Variants in GLDC observed in about 807,000 individuals in gnomAD.
The protein encoded by GLDC is glycine dehydrogenase (decarboxylating), mitochondrial.
GLDC carries 104 observed loss-of-function variants against 121.3 expected under a neutral mutation model. That is an observed-to-expected ratio of 0.86 (90% CI 0.73 to 1.01). The LOEUF (loss-of-function observed/expected upper bound fraction) is 1.01. Among genes scored for constraint, GLDC ranks in the 50% least tolerant of loss-of-function variants. The pLI, the probability that GLDC is intolerant of heterozygous loss-of-function variation, is 0.00. For synonymous variants in GLDC, 546 were observed against 480.6 expected (o/e 1.14, Z -1.78); for missense variants, 1,429 against 1,306.6 (o/e 1.09, Z -1.44).
chr9:6,614,116 T>C (rs563473375), intron 3 of GLDC, among the ~76,000 whole-genome samples: 3 of 152,288 alleles, frequency 2.0e-5, no homozygotes, highest in East Asian at 3.9e-4. Context: ...TCCCAGAGCA[T>C]AGTACCATGT....
chr9:6,602,240 T>C (rs759614985), intron 7 of GLDC, 35 bp from the exon 8 acceptor site: 5 of 1,215,892 alleles, frequency 4.1e-6, no homozygotes, highest in African/African-American at 3.0e-5. Flanking sequence ...TTAGCACAGA[T>C]AATCACAGCA....
intron 21 of GLDC, among the ~76,000 whole-genome samples, chr9:6,550,425 G>A (rs996868315): frequency 3.9e-5 from 6 of 152,190 alleles, no homozygotes; most frequent in Non-Finnish European, 8.8e-5. Context: ...TCAGGAGTTC[G>A]AGACCAGCCT....
intron 15 of GLDC, among the ~76,000 whole-genome samples, chr9:6,566,775 A>C (rs1377464135): frequency 6.6e-6 from 1 of 152,240 alleles, no homozygotes; most frequent in Non-Finnish European, 1.5e-5. Context: ...AAGATACAAA[A>C]ATTTAAACTT....
In GLDC at chr9:6,613,590, C is replaced by A. The variant is rs58198154; in HGVS notation, c.471-3234G>T. ...TTAACTGCTCTATGGTATTAAATAA[C>A]TTATGAAATAAATTATTTAAGTTAT... On this transcript the variant is annotated intron_variant, in intron 3 of 24. Coordinates refer to ENST00000321612, the MANE Select transcript of GLDC (RefSeq NM_000170.3). Among the ~76,000 whole-genome samples the A allele has an allele frequency of 1.0e-3, 158 of 152,242 alleles. 1 individual carries two copies. The highest frequency in any genetic ancestry group is 3.6e-3 in the African/African-American group (150 of 41,558).
At chr9:6,641,324 T>G (rs1238927730) in intron 2 of GLDC, among the ~76,000 whole-genome samples, 1 of 152,262 alleles carries the variant, frequency 6.6e-6, no homozygotes, top group Non-Finnish European at 1.5e-5. Context: ...TTCCCACGTC[T>G]GTGCTGCCAG....
intron 23 of GLDC, among the ~76,000 whole-genome samples, chr9:6,535,661 G>T (rs1474708131): frequency 6.6e-6 from 1 of 152,126 alleles, no homozygotes; most frequent in Non-Finnish European, 1.5e-5. Context: ...CCAACATGGG[G>T]CATAAACATT....
At chr9:6,552,605 A>G (rs1356095448) in intron 20 of GLDC, among the ~76,000 whole-genome samples, 1 of 152,190 alleles carries the variant, frequency 6.6e-6, no homozygotes, top group Non-Finnish European at 1.5e-5. Context: ...AATGATTGGC[A>G]TAGCTGCGTT....
chr9:6,644,304 C>A (rs1428998151), intron 2 of GLDC, among the ~76,000 whole-genome samples: 1 of 151,932 alleles, frequency 6.6e-6, no homozygotes, highest in Non-Finnish European at 1.5e-5. Flanking sequence ...AGTATGAGAG[C>A]ACCCTGGCCG....
At position 6,553,608 on chromosome 9, in the gene GLDC, A is replaced by G. The variant is rs564511559; in HGVS notation, c.2316-99T>C. The G allele has an allele frequency of 8.5e-6, 10 of 1,173,836 alleles. No homozygotes were observed. The East Asian group carries it at 2.4e-4, about 28-fold the overall frequency. The allele number at this position is 1,173,836 out of a possible 1,614,324, so 72.7% of individuals were successfully genotyped here. A position where few individuals can be genotyped will look rare whatever the true frequency, so the allele number is the denominator to read the frequency against. On this transcript the variant is annotated intron_variant, in intron 19 of 24. Coordinates refer to ENST00000321612, the MANE Select transcript of GLDC (RefSeq NM_000170.3). ...TCCCAGAAAGCCTTGTTCTTAGCAG[A>G]GGAGCTCTGACAGTGGAAGGGACTC...
At chr9:6,558,900 C>G (rs1047250791) in intron 16 of GLDC, among the ~76,000 whole-genome samples, 2 of 152,184 alleles carry the variant, frequency 1.3e-5, no homozygotes, top group African/African-American at 4.8e-5. Context: ...AAATATTGTT[C>G]CCTGAAGATG....
intron 3 of GLDC, among the ~76,000 whole-genome samples, chr9:6,619,146 CAAAAAAAAAAAAAAAA>C (rs1162280442): frequency 1.2e-4 from 7 of 60,676 alleles, no homozygotes; most frequent in Admixed American, 4.5e-4. Context: ...CTGTCTCAGG[CAAAAAAAAAAAAAAAA>C]AAAAAAAAAA....
chr9:6,644,717 G>A, intron 1 of GLDC, 25 bp from the exon 2 acceptor site: 8 of 1,530,078 alleles, frequency 5.2e-6, no homozygotes, highest in Non-Finnish European at 7.2e-6. Flanking sequence ...CAAGGCAGAG[G>A]AAAGTGCCTC....
rs750354076 is a variant in GLDC, at chr9:6,605,153, A to C, written c.839T>G (p.Val280Gly). The change falls in exon 6 of 25, where the codon GTG becomes GGG. Residue 280 changes from valine to glycine, a missense_variant. By Grantham distance (109) the Val-to-Gly change is moderately radical. Coordinates refer to ENST00000321612, the MANE Select transcript of GLDC (RefSeq NM_000170.3). Reference protein sequence around the residue: ...EGKVEDFTELVERAHQSGSLA... With the variant: ...EGKVEDFTELGERAHQSGSLA... ...TACCCCACTCTGATGAGCTCTCTCC[A>C]CGAGTTCCGTAAAGTCTTCCACCTT... 3 of 1,612,944 alleles carry C rather than the reference A, an allele frequency of 1.9e-6. No homozygotes were observed. Among genetic ancestry groups the C allele is most frequent in the Non-Finnish European group, 1.7e-6 (2 of 1,179,988 alleles).
intron 8 of GLDC, among the ~76,000 whole-genome samples, chr9:6,595,974 T>C (rs1445787311): frequency 1.3e-5 from 2 of 152,004 alleles, no homozygotes; most frequent in Non-Finnish European, 2.9e-5. Context: ...AGGAAGTAAA[T>C]GAGGAGAAAG....
In GLDC at chr9:6,585,886, A is replaced by G. The variant is rs1346553943; in HGVS notation, c.1850+1255T>C. On this transcript the variant is annotated intron_variant, in intron 15 of 24. Coordinates refer to ENST00000321612, the MANE Select transcript of GLDC (RefSeq NM_000170.3). Reference sequence around the variant, plus strand: ...TATGTATGTATCTATCTATCTATCTATCTATCATCTGTCCATCGGTCCATC... The same window carrying G: ...TATGTATGTATCTATCTATCTATCTGTCTATCATCTGTCCATCGGTCCATC... 5.3e-5 allele frequency among the ~76,000 whole-genome samples: 6 copies of G among 114,078 alleles called. No homozygotes were observed. In the South Asian group the frequency reaches 1.3e-3, roughly 25 times the overall value. 74.8% of individuals were successfully genotyped at this position (114,078 alleles called of 152,430 possible). A position where few individuals can be genotyped will look rare whatever the true frequency, so the allele number is the denominator to read the frequency against.
intron 2 of GLDC, among the ~76,000 whole-genome samples, chr9:6,621,258 T>C (rs2129952345): frequency 6.6e-6 from 1 of 152,284 alleles, no homozygotes; most frequent in East Asian, 1.9e-4. Flanking sequence ...GAAGTATAAA[T>C]GTACTTGGAT....
chr9:6,634,559 C>CA (rs57883473), intron 2 of GLDC, among the ~76,000 whole-genome samples: 26 of 146,366 alleles, frequency 1.8e-4, no homozygotes, highest in Middle Eastern at 3.6e-3. Flanking sequence ...AAACAAAAAA[C>CA]AAAAAAAAAA....
chr9:6,629,943 A>ATATG (rs1554650756), intron 2 of GLDC, among the ~76,000 whole-genome samples: 1 of 80,636 alleles, frequency 1.2e-5, no homozygotes, highest in African/African-American at 8.2e-5. Context: ...ATATATATAT[A>ATATG]TGTATATATA....
At chr9:6,641,493 G>A (rs1321086171) in intron 2 of GLDC, among the ~76,000 whole-genome samples, 3 of 152,234 alleles carry the variant, frequency 2.0e-5, no homozygotes, top group Non-Finnish European at 1.5e-5. Flanking sequence ...AATGAAGAGA[G>A]AGCAAAGTAG....
Sources: gnomAD v4.1 joint callset for allele counts (sites outside exome capture counted in the v4.1 genomes callset) on GRCh38, gnomAD v4.1.1 for gene constraint, MANE v1.5 for transcripts, NCBI Gene and HGNC (gene_info 2026-07-23, HGNC 2026-07-21) for gene names.